KCNB2: variants seen among roughly 807,000 people sequenced by gnomAD.
KCNB2 encodes the protein potassium voltage-gated channel subfamily B member 2, also known as delayed rectifier potassium channel protein.
In KCNB2, 15 loss-of-function variants were observed where a neutral mutation model predicts 61.5. The observed-to-expected ratio is 0.24, with a 90% CI of 0.16 to 0.38. The LOEUF is 0.38. Among genes scored for constraint, KCNB2 ranks in the 10% least tolerant of loss-of-function variants. The probability of loss-of-function intolerance (pLI) is 1.00; values close to 1 mark genes in which losing one functional copy is unlikely to be tolerated. For missense variants in KCNB2, 828 were observed against 1,125.2 expected (o/e 0.74, Z 3.78); for synonymous variants, 457 against 446.0 (o/e 1.02, Z -0.31).
chr8:72,652,187 T>A (rs1173832604), intron 2 of KCNB2, among the ~76,000 whole-genome samples: 1 of 152,132 alleles, frequency 6.6e-6, no homozygotes, highest in Non-Finnish European at 1.5e-5. Context: ...GCTAGAATAT[T>A]GGTATAATAT....
At chr8:72,821,496 T>C (rs1169655734) in intron 2 of KCNB2, among the ~76,000 whole-genome samples, 4 of 151,972 alleles carry the variant, frequency 2.6e-5, no homozygotes, top group Admixed American at 6.6e-5. Context: ...GAAGTAGGGA[T>C]AATAATAGCT....
rs1806223764 is a variant in KCNB2, at chr8:72,543,828, A to G, written c.-94+5943A>G. On this transcript the variant is annotated intron_variant, in intron 1 of 2. Transcript: ENST00000523207. ...CAAAAGGATCATATTCCTCTCATTC[A>G]GGAGCACTGATTATGGCTATATTCT... Among the ~76,000 whole-genome samples, 3 of 152,208 alleles carry G rather than the reference A, an allele frequency of 2.0e-5. No individual in the cohort carries two copies. The South Asian group carries it at 6.2e-4, about 31-fold the overall frequency.
At chr8:72,833,375 T>C (rs1029509209) in intron 2 of KCNB2, among the ~76,000 whole-genome samples, 1 of 152,098 alleles carries the variant, frequency 6.6e-6, no homozygotes, top group Non-Finnish European at 1.5e-5. Flanking sequence ...AGATACCTAC[T>C]ATGAAAAATG....
intron 2 of KCNB2, among the ~76,000 whole-genome samples, chr8:72,908,497 G>A (rs2129007181): frequency 6.6e-6 from 1 of 152,300 alleles, no homozygotes; most frequent in African/African-American, 2.4e-5. Flanking sequence ...CTTGATGAAT[G>A]AATGGATGGG....
chr8:72,561,727 A>ATGTG (rs1189336093), intron 1 of KCNB2, among the ~76,000 whole-genome samples: 654 of 35,242 alleles, frequency 0.019, 59 homozygotes, highest in Non-Finnish European at 0.025. Context: ...ATATATATAT[A>ATGTG]TCTATATCTA....
Position 72,793,848 on chromosome 8 carries a change from C to A in KCNB2, c.580-142087C>A, listed in dbSNP as rs531567515. Among the ~76,000 whole-genome samples the A allele has an allele frequency of 4.2e-4, 64 of 152,280 alleles. 1 individual carries two copies. Among genetic ancestry groups the A allele is most frequent in the African/African-American group, 1.4e-3 (59 of 41,556 alleles). ...CAAATGTTTCAGTGACACAGGAAAT[C>A]CAATTACAGTTGCCTTGAGCTTAGT... On this transcript the variant is annotated intron_variant, in intron 2 of 2. Coordinates refer to ENST00000523207, the MANE Select transcript of KCNB2 (RefSeq NM_004770.3).
At chr8:72,540,160 A>G (rs1171681001) in intron 1 of KCNB2, among the ~76,000 whole-genome samples, 3 of 152,150 alleles carry the variant, frequency 2.0e-5, no homozygotes, top group African/African-American at 7.2e-5. Flanking sequence ...GTGAAAGTAG[A>G]CCCAAATCTA....
intron 2 of KCNB2, among the ~76,000 whole-genome samples, chr8:72,655,323 A>T (rs1806274023): frequency 6.6e-6 from 1 of 152,126 alleles, no homozygotes; most frequent in African/African-American, 2.4e-5. Context: ...GAGGATGAAG[A>T]TTGAAAAACT....
At chr8:72,682,975 C>A (rs1806786417) in intron 2 of KCNB2, among the ~76,000 whole-genome samples, 1 of 152,112 alleles carries the variant, frequency 6.6e-6, no homozygotes, top group Non-Finnish European at 1.5e-5. Context: ...AGATTGCTTC[C>A]AAATACTAGA....
At chr8:72,568,685 G>A (rs1806664940) in intron 2 of KCNB2, among the ~76,000 whole-genome samples, 1 of 152,120 alleles carries the variant, frequency 6.6e-6, no homozygotes, top group African/African-American at 2.4e-5. Context: ...GCTCCATCTT[G>A]AACAAAGGGA....
Position 72,936,789 on chromosome 8 carries a change from A to T in KCNB2, c.1434A>T (p.Thr478=). ...AVEKAGESAN[T]KDSADDNHLS... ...AGAAGGCCGGAGAGTCCGCCAACACAAAGGACTCCGCCGACGATAATCACC... is the reference window on the plus strand; with the variant it reads ...AGAAGGCCGGAGAGTCCGCCAACACTAAGGACTCCGCCGACGATAATCACC... Residue 478 remains threonine, a synonymous_variant, in exon 3 of 3, where the codon ACA becomes ACT. Coordinates refer to ENST00000523207, the MANE Select transcript of KCNB2 (RefSeq NM_004770.3). The surrounding 1 kb of genome is among the most constrained non-coding windows in gnomAD (Gnocchi z 5.6). 1.2e-6 allele frequency: 2 copies of T among 1,614,162 alleles called. No homozygotes were observed. Among genetic ancestry groups the T allele is most frequent in the Non-Finnish European group, 1.7e-6 (2 of 1,180,032 alleles).
intron 2 of KCNB2, among the ~76,000 whole-genome samples, chr8:72,570,191 T>G: frequency 6.6e-6 from 1 of 152,150 alleles, no homozygotes; most frequent in East Asian, 1.9e-4. Flanking sequence ...TTAAATTTGC[T>G]TCAAATTATG....
intron 2 of KCNB2, among the ~76,000 whole-genome samples, chr8:72,933,575 A>G (rs1170295471): frequency 6.6e-6 from 1 of 152,202 alleles, no homozygotes; most frequent in African/African-American, 2.4e-5. Context: ...CAACAGCGTG[A>G]CCTCCCGAAA....
chr8:72,766,909 G>A (rs976894154), intron 2 of KCNB2, among the ~76,000 whole-genome samples: 3 of 152,178 alleles, frequency 2.0e-5, no homozygotes, highest in Non-Finnish European at 4.4e-5. Context: ...AGTTCCGCAT[G>A]ACTAGGGAGG....
chr8:72,680,541 C>T (rs1417797817), intron 2 of KCNB2, among the ~76,000 whole-genome samples: 2 of 152,100 alleles, frequency 1.3e-5, no homozygotes, highest in Non-Finnish European at 2.9e-5. Flanking sequence ...TGGCATGGAA[C>T]AGCTGGTAAA....
chr8:72,641,618 T>G (rs1235442947), intron 2 of KCNB2, among the ~76,000 whole-genome samples: 1 of 152,108 alleles, frequency 6.6e-6, no homozygotes, highest in Non-Finnish European at 1.5e-5. Flanking sequence ...TGGATCTCCT[T>G]AAGTGAATGC....
intron 2 of KCNB2, among the ~76,000 whole-genome samples, chr8:72,752,142 AT>A (rs1808200666): frequency 6.6e-6 from 1 of 152,186 alleles, no homozygotes; most frequent in Non-Finnish European, 1.5e-5. Flanking sequence ...AGGAAAAATA[AT>A]AAATGGGGGA....
chr8:72,865,905 C>T (rs376957328), intron 2 of KCNB2, among the ~76,000 whole-genome samples: 1 of 152,140 alleles, frequency 6.6e-6, no homozygotes, highest in African/African-American at 2.4e-5. Flanking sequence ...TATGTGTTTG[C>T]AGTAATCTGT....
At chr8:72,890,075 G>A (rs1805871468) in intron 2 of KCNB2, among the ~76,000 whole-genome samples, 1 of 151,872 alleles carries the variant, frequency 6.6e-6, no homozygotes, top group Non-Finnish European at 1.5e-5. Context: ...TTCTGGGCTT[G>A]GAAAGAAAAA....
Sources: gnomAD v4.1 joint callset for allele counts (sites outside exome capture counted in the v4.1 genomes callset) on GRCh38, gnomAD v4.1.1 for gene constraint, Gnocchi (gnomAD v3.1) non-coding constraint, MANE v1.5 for transcripts, NCBI Gene and HGNC (gene_info 2026-07-23, HGNC 2026-07-21) for gene names.